SCG5: variants seen among roughly 807,000 people sequenced by gnomAD.
The protein encoded by SCG5 is secretogranin V.
In SCG5, 18 loss-of-function variants were observed where a neutral mutation model predicts 25.7. The observed-to-expected ratio is 0.70, with a 90% CI of 0.48 to 1.04. The LOEUF (loss-of-function observed/expected upper bound fraction) is 1.04. Among genes scored for constraint, SCG5 ranks in the 50% least tolerant of loss-of-function variants. The pLI is 0.00. For synonymous variants in SCG5, 101 were observed against 91.7 expected, an observed-to-expected ratio of 1.10 and a Z score of -0.58; for missense variants, 206 against 259.8, an observed-to-expected ratio of 0.79 and a Z score of 1.42.
chr15:32,672,594 C>G (rs1002875289), intron 2 of SCG5, among the ~76,000 whole-genome samples: 1 of 151,170 alleles, frequency 6.6e-6, no homozygotes, highest in Non-Finnish European at 1.5e-5. Context: ...CTATGAGAGA[C>G]CCCAGGTACC....
chr15:32,691,758 CG>C lies in SCG5; in HGVS notation c.540del (p.Arg181GlyfsTer55). 1 of 1,612,286 alleles carries C rather than the reference CG, an allele frequency of 6.2e-7. No individual in the cohort carries two copies. The highest frequency in any genetic ancestry group is 8.5e-7 in the Non-Finnish European group (1 of 1,179,240). On this transcript the variant is annotated frameshift_variant, in exon 5 of 6. Transcript: ENST00000300175. LOFTEE classifies it high-confidence loss of function. ...GATGAAGGGAGGAGAGAGACGAAAG[CG>C]GAGGGTAACACGTGCCTGGCTGGAT... Reference protein sequence around the residue: ...EKMKGGERRKRRSVNPYLQGQ... With the variant: ...EKMKGGERRKXRSVNPYLQGQ...
chr15:32,694,425 G>A (rs1311441971), intron 5 of SCG5, among the ~76,000 whole-genome samples: 4 of 152,192 alleles, frequency 2.6e-5, no homozygotes, highest in Non-Finnish European at 5.9e-5. Flanking sequence ...TTAAATGACT[G>A]TGAACTTTTA....
intron 5 of SCG5, among the ~76,000 whole-genome samples, chr15:32,694,596 TATG>T (rs1296966991): frequency 1.3e-5 from 2 of 152,270 alleles, no homozygotes; most frequent in African/African-American, 4.8e-5. Context: ...AAAATTCTGA[TATG>T]ATCCCCTGGG....
At chr15:32,676,954 ATAGAC>A (rs1275236501) in intron 2 of SCG5, among the ~76,000 whole-genome samples, 1 of 152,234 alleles carries the variant, frequency 6.6e-6, no homozygotes, top group Admixed American at 6.5e-5. Flanking sequence ...TCAGATTATG[ATAGAC>A]TAGAGATAAA....
At chr15:32,675,602 A>G (rs2054516808) in intron 2 of SCG5, among the ~76,000 whole-genome samples, 2 of 152,224 alleles carry the variant, frequency 1.3e-5, no homozygotes, top group Admixed American at 1.3e-4. Flanking sequence ...AACAGGAACT[A>G]TGTCTTTCAC....
chr15:32,695,072 G>C (rs1188821363), intron 5 of SCG5, among the ~76,000 whole-genome samples: 1 of 150,238 alleles, frequency 6.7e-6, no homozygotes, highest in African/African-American at 2.5e-5. Context: ...CTGGACTGCA[G>C]TGGCGCAATC....
At chr15:32,642,388 T>C (rs1359085058) in intron 1 of SCG5, among the ~76,000 whole-genome samples, 3 of 151,546 alleles carry the variant, frequency 2.0e-5, no homozygotes, top group Non-Finnish European at 4.4e-5. Context: ...ACCAATATGG[T>C]GAAACCCTGC....
At chr15:32,643,466 G>C in intron 1 of SCG5, 120 bp from the exon 2 acceptor site, 1 of 750,728 alleles carries the variant, frequency 1.3e-6, no homozygotes, top group Non-Finnish European at 2.3e-6. Context: ...AGGATTCTTT[G>C]TTACAACCCC....
chr15:32,686,632 G>C (rs1007238550), intron 4 of SCG5, among the ~76,000 whole-genome samples: 1 of 151,668 alleles, frequency 6.6e-6, no homozygotes, highest in Non-Finnish European at 1.5e-5. Flanking sequence ...GATTGCGGAG[G>C]AGTACTGGGA....
chr15:32,681,603 C>G (rs2054622761), intron 3 of SCG5, among the ~76,000 whole-genome samples: 1 of 151,584 alleles, frequency 6.6e-6, no homozygotes, highest in South Asian at 2.1e-4. Flanking sequence ...GTGTGTGCCA[C>G]CATGCCCAGC....
intron 3 of SCG5, among the ~76,000 whole-genome samples, chr15:32,682,922 G>A (rs895767993): frequency 2.6e-5 from 4 of 152,138 alleles, no homozygotes; most frequent in Non-Finnish European, 2.9e-5. Flanking sequence ...TTTTAAGCCC[G>A]GAGACACCTT....
intron 2 of SCG5, among the ~76,000 whole-genome samples, chr15:32,675,746 A>G (rs536637194): frequency 9.2e-5 from 14 of 152,180 alleles, no homozygotes; most frequent in Non-Finnish European, 2.1e-4. Flanking sequence ...TCCTGGTTAC[A>G]TTATCAGTGC....
intron 2 of SCG5, among the ~76,000 whole-genome samples, chr15:32,656,831 C>T (rs901486870): frequency 6.6e-6 from 1 of 151,964 alleles, no homozygotes; most frequent in African/African-American, 2.4e-5. Context: ...AATTTCGCAC[C>T]GCAAATATAA....
intron 2 of SCG5, among the ~76,000 whole-genome samples, chr15:32,664,937 G>T (rs2054294206): frequency 6.6e-6 from 1 of 152,196 alleles, no homozygotes. Flanking sequence ...CTGGGCCAGG[G>T]TGCCTATGGG....
chr15:32,660,469 C>T (rs2054198082), intron 2 of SCG5, among the ~76,000 whole-genome samples: 1 of 152,190 alleles, frequency 6.6e-6, no homozygotes, highest in Non-Finnish European at 1.5e-5. Flanking sequence ...CTCCAGTCTA[C>T]CCAAAGGTAT....
At chr15:32,653,808 C>T (rs771275993) in intron 2 of SCG5, among the ~76,000 whole-genome samples, 1 of 152,096 alleles carries the variant, frequency 6.6e-6, no homozygotes, top group Non-Finnish European at 1.5e-5. Flanking sequence ...ACTTTAATAC[C>T]TTCACAGAAA....
intron 2 of SCG5, chr15:32,666,432 C>T (rs2054319273): frequency 6.6e-6 from 1 of 152,234 alleles, no homozygotes; most frequent in African/African-American, 2.4e-5. Flanking sequence ...TATCCAGGCC[C>T]ATTTACCTCT....
intron 3 of SCG5, 66 bp downstream of exon 3, chr15:32,679,981 C>A: frequency 1.5e-6 from 2 of 1,378,404 alleles, no homozygotes; most frequent in Non-Finnish European, 2.0e-6. Context: ...GAAATTCTAA[C>A]ATCAGCTACA....
chr15:32,674,087 G>A (rs528211893), intron 2 of SCG5, among the ~76,000 whole-genome samples: 13 of 152,304 alleles, frequency 8.5e-5, no homozygotes, highest in African/African-American at 2.9e-4. Context: ...ACACTGTATA[G>A]TCATTGATAT....
Sources: allele counts gnomAD v4.1 joint callset (sites outside exome capture counted in the v4.1 genomes callset), GRCh38; gene constraint gnomAD v4.1.1; transcripts MANE v1.5; gene names NCBI Gene and HGNC (gene_info 2026-07-23, HGNC 2026-07-21).